PIK3R6: variants seen among roughly 807,000 people sequenced by gnomAD.
The protein encoded by PIK3R6 is phosphoinositide-3-kinase regulatory subunit 6.
Under a neutral mutation model 84.9 loss-of-function variants are expected in PIK3R6, and 91 were observed. The ratio of observed to expected loss-of-function variants is 1.07; its 90% CI spans 0.90 to 1.28. PIK3R6 has a LOEUF of 1.28. Among genes scored for constraint, PIK3R6 ranks in the 50% most tolerant of loss-of-function variants. The pLI is 0.00. For synonymous variants in PIK3R6, 416 were observed against 411.4 expected, an observed-to-expected ratio of 1.01 and a Z score of -0.13; for missense variants, 996 against 985.1, an observed-to-expected ratio of 1.01 and a Z score of -0.15.
intron 2 of PIK3R6, among the ~76,000 whole-genome samples, chr17:8,847,255 G>C (rs1356193411): frequency 1.3e-5 from 2 of 152,002 alleles, no homozygotes; most frequent in Admixed American, 1.3e-4. Context: ...AGGGCCCCCA[G>C]TACCCAGATG....
chr17:8,836,573 C>G lies in PIK3R6; in HGVS notation c.435G>C (p.Thr145=), dbSNP rs199642447. The part of the protein sequence containing the change: ...QRMVIAEQNL[T]NELYPYQERV... ...TCTCCTGGTAGGGATACAGCTCATT[C>G]GTCAAGTTCTGTTCGGCAATGACCA... Residue 145 remains threonine, a synonymous_variant, in exon 7 of 20, where the codon ACG becomes ACC. Coordinates refer to ENST00000619866, the MANE Select transcript of PIK3R6 (RefSeq NM_001010855.4). 1 of 1,613,978 alleles carries G rather than the reference C, an allele frequency of 6.2e-7. No homozygotes were observed. Among genetic ancestry groups the G allele is most frequent in the Middle Eastern group, 1.6e-4 (1 of 6,062 alleles).
In PIK3R6 at chr17:8,819,120, A is replaced by G. The variant is rs773910931; in HGVS notation, c.1958T>C (p.Val653Ala). 5 of 1,608,708 alleles carry G rather than the reference A, an allele frequency of 3.1e-6. No individual in the cohort carries two copies. The South Asian group carries it at 5.6e-5, about 18-fold the overall frequency. The change falls in exon 18 of 20, where the codon GTT becomes GCT. Residue 653 changes from valine (V) to alanine (A), a missense_variant. By Grantham distance (64) the Val-to-Ala change is moderately conservative. Coordinates refer to ENST00000619866, the MANE Select transcript of PIK3R6 (RefSeq NM_001010855.4). ...HTCLNVNVTE[V>A]VKSSNLAGKS... ...TCCCGCCAAGTTGGAGGACTTGACA[A>G]CCTCTGTCACGTTGACATTCAGACA...
chr17:8,866,320 G>A (rs2089410868), intron 1 of PIK3R6, among the ~76,000 whole-genome samples: 2 of 152,052 alleles, frequency 1.3e-5, no homozygotes, highest in Admixed American at 6.5e-5. Flanking sequence ...GGTGGATCAC[G>A]AGGTCAGGAG....
chr17:8,827,752 AGAGAGAGAGAG>A lies in PIK3R6; in HGVS notation c.1392+349_1392+359del, dbSNP rs1418969969. Among the ~76,000 whole-genome samples, 512 of 73,682 alleles carry A rather than the reference AGAGAGAGAGAG, an allele frequency of 6.9e-3. 10 individuals carry two copies. The highest frequency in any genetic ancestry group is 8.7e-3 in the Non-Finnish European group (341 of 39,182). 48.3% of individuals were successfully genotyped at this position (73,682 alleles called of 152,430 possible). A position where few individuals can be genotyped will look rare whatever the true frequency, so the allele number is the denominator to read the frequency against. ...AGAGGGGAGGGAAGGGGAGAGAGAGAGAGAGAGAGAGGAGAGAGAGAGAGAGAGAGAGAGAG... is the reference window on the plus strand; with the variant it reads ...AGAGGGGAGGGAAGGGGAGAGAGAGAGAGAGAGAGAGAGAGAGAGAGAGAG... On this transcript the variant is annotated intron_variant, in intron 12 of 19. Transcript: ENST00000619866.
chr17:8,822,721 C>T (rs2087782568), intron 15 of PIK3R6, 64 bp from the exon 16 acceptor site: 2 of 1,518,026 alleles, frequency 1.3e-6, no homozygotes, highest in Non-Finnish European at 9.1e-7. Context: ...AACTTCCCCA[C>T]CTCTCTGAGG....
Position 8,853,037 on chromosome 17 carries a change from G to GA in PIK3R6, c.-91-3153dup, listed in dbSNP as rs201674686. Among the ~76,000 whole-genome samples the GA allele has an allele frequency of 2.8e-4, 41 of 144,642 alleles. No homozygotes were observed. The East Asian group carries it at 4.2e-3, about 15-fold the overall frequency. 94.9% of individuals were successfully genotyped at this position (144,642 alleles called of 152,430 possible). On this transcript the variant is annotated intron_variant, in intron 1 of 19. Transcript: ENST00000619866. ...CATTGTTAACAATAGAGTACAACCA[G>GA]AAAAAAAAAATAAAGGCACAATTAT... is the stretch of plus-strand genomic sequence containing the variant.
In PIK3R6 at chr17:8,819,073, C is replaced by A; in HGVS notation, c.1995+10G>T. 1.9e-6 allele frequency: 3 copies of A among 1,574,420 alleles called. No individual in the cohort carries two copies. Among genetic ancestry groups the A allele is most frequent in the Non-Finnish European group, 2.6e-6 (3 of 1,154,846 alleles). ...GGCTGTCTCCCTTTCCCAGTCTACT[C>A]AGTACTTACAGAGAAGGACTTTCCC... On this transcript the variant is annotated intron_variant, in intron 18 of 19. Coordinates refer to ENST00000619866, the MANE Select transcript of PIK3R6 (RefSeq NM_001010855.4).
At chr17:8,818,417 G>C (rs113106789) in intron 18 of PIK3R6, among the ~76,000 whole-genome samples, 1 of 152,128 alleles carries the variant, frequency 6.6e-6, no homozygotes, top group African/African-American at 2.4e-5. Context: ...GGGAGGCTGC[G>C]GCAGGTGCAT....
intron 17 of PIK3R6, among the ~76,000 whole-genome samples, chr17:8,820,153 AATAGAGT>A (rs2087688233): frequency 6.7e-6 from 1 of 149,146 alleles, no homozygotes; most frequent in Admixed American, 6.7e-5. Context: ...AGGGTTGCTT[AATAGAGT>A]ATAATGTGTC....
chr17:8,843,739 A>G (rs2088748896), intron 2 of PIK3R6, among the ~76,000 whole-genome samples: 1 of 152,066 alleles, frequency 6.6e-6, no homozygotes, highest in Non-Finnish European at 1.5e-5. Context: ...CAATCTGCTG[A>G]CACCGAACCT....
At position 8,833,689 on chromosome 17, in the gene PIK3R6, G is replaced by A. The variant is rs149614535; in HGVS notation, c.646-644C>T. Among the ~76,000 whole-genome samples, 285 of 151,732 alleles carry A rather than the reference G, an allele frequency of 1.9e-3. 1 individual carries two copies. Among genetic ancestry groups the A allele is most frequent in the African/African-American group, 6.2e-3 (256 of 41,436 alleles). On this transcript the variant is annotated intron_variant, in intron 8 of 19. Transcript: ENST00000619866. ...CCCGAGTATCTGGGACTACAGGTGC[G>A]CACCACCACATCCAGCCAATTTTTG...
chr17:8,835,463 G>A lies in PIK3R6; in HGVS notation c.462-7C>T, dbSNP rs2088424692. On this transcript the variant is annotated splice_polypyrimidine_tract_variant and splice_region_variant and intron_variant, in intron 7 of 19. Coordinates refer to ENST00000619866, the MANE Select transcript of PIK3R6 (RefSeq NM_001010855.4). Reference sequence around the variant, plus strand: ...ATCCACGAAGAGGAACACTCTGAGGGCAGAAGCAGAGGGGAGAGGTGGGAT... The same window carrying A: ...ATCCACGAAGAGGAACACTCTGAGGACAGAAGCAGAGGGGAGAGGTGGGAT... The A allele has an allele frequency of 1.3e-6, 2 of 1,545,920 alleles. No homozygotes were observed. Among genetic ancestry groups the A allele is most frequent in the Non-Finnish European group, 1.8e-6 (2 of 1,134,412 alleles).
In PIK3R6 at chr17:8,803,755, A is replaced by G. The variant is rs545351216; in HGVS notation, c.2108+286T>C. ...CTGTGTGGGAGGGGCCCGTGCCTGC[A>G]GAGGGGACTGGATCAGGAGGCTGCA... On this transcript the variant is annotated intron_variant, in intron 19 of 19. Coordinates refer to ENST00000619866, the MANE Select transcript of PIK3R6 (RefSeq NM_001010855.4). This position sits in a 1 kb window ranked among gnomAD's most constrained non-coding sequence, Gnocchi z 5.0. The G allele has an allele frequency of 5.8e-4, 328 of 563,152 alleles. 3 individuals are homozygous for G. The South Asian group carries it at 6.9e-3, about 12-fold the overall frequency. The allele number at this position is 563,152 out of a possible 1,614,324, so 34.9% of individuals were successfully genotyped here.
rs994205189 is a variant in PIK3R6, at chr17:8,862,565, G to A, written c.-92+4964C>T. On this transcript the variant is annotated intron_variant, in intron 1 of 19. Transcript: ENST00000619866. This position sits in a 1 kb window ranked among gnomAD's most constrained non-coding sequence, Gnocchi z 4.3. Reference sequence around the variant, plus strand: ...CCTGGCAGCTACCTCTGTCACCTGGGGGTGGCTGATCTTTCTCGGGCCGTA... The same window carrying A: ...CCTGGCAGCTACCTCTGTCACCTGGAGGTGGCTGATCTTTCTCGGGCCGTA... Among the ~76,000 whole-genome samples, 3 of 152,120 alleles carry A rather than the reference G, an allele frequency of 2.0e-5. No homozygotes were observed. Among genetic ancestry groups the A allele is most frequent in the Non-Finnish European group, 4.4e-5 (3 of 68,024 alleles).
intron 16 of PIK3R6, 62 bp from the exon 17 acceptor site, chr17:8,821,998 C>G (rs897534816): frequency 7.6e-7 from 1 of 1,323,708 alleles, no homozygotes; most frequent in African/African-American, 1.5e-5. Context: ...CCCATGCATC[C>G]CCACATCCAC....
chr17:8,828,071 C>T lies in PIK3R6; in HGVS notation c.1392+41G>A, dbSNP rs1321111045. ...GCAGGTGTGTCCCTGCCCAGCCTGC[C>T]CTGTCTCTGCCCCGCCACCGCCTCC... On this transcript the variant is annotated intron_variant, in intron 12 of 19. Coordinates refer to ENST00000619866, the MANE Select transcript of PIK3R6 (RefSeq NM_001010855.4). The T allele has an allele frequency of 1.9e-6, 3 of 1,595,418 alleles. No homozygotes were observed. The South Asian group carries it at 3.3e-5, about 18-fold the overall frequency.
chr17:8,827,763 G>GGAGAGAGAGAGAGA (rs199969342), intron 12 of PIK3R6, among the ~76,000 whole-genome samples: 12 of 34,834 alleles, frequency 3.4e-4, no homozygotes, highest in Non-Finnish European at 5.2e-4. Context: ...GAGAGAGAGA[G>GGAGAGAGAGAGAGA]GAGAGAGAGA....
rs990855455 is a variant in PIK3R6, at chr17:8,839,930, A to G, written c.14-233T>C. ...TTTCCCAAAGTGCAGTATGTGTACC[A>G]CTGGTGGTATGTAGGACAATTTTAG... On this transcript the variant is annotated intron_variant, in intron 2 of 19. Coordinates refer to ENST00000619866, the MANE Select transcript of PIK3R6 (RefSeq NM_001010855.4). This position sits in a 1 kb window ranked among gnomAD's most constrained non-coding sequence, Gnocchi z 4.2. Among the ~76,000 whole-genome samples the G allele has an allele frequency of 6.6e-6, 1 of 152,152 alleles. No individual in the cohort carries two copies. Among genetic ancestry groups the G allele is most frequent in the Non-Finnish European group, 1.5e-5 (1 of 68,024 alleles).
chr17:8,853,248 G>T (rs1353627590), intron 1 of PIK3R6, among the ~76,000 whole-genome samples: 2 of 151,862 alleles, frequency 1.3e-5, no homozygotes, highest in Non-Finnish European at 2.9e-5. Context: ...CACTTTGGGA[G>T]GCCGAGGGGG....
Sources: gnomAD v4.1 joint callset for allele counts (sites outside exome capture counted in the v4.1 genomes callset) on GRCh38, gnomAD v4.1.1 for gene constraint, Gnocchi (gnomAD v3.1) non-coding constraint, MANE v1.5 for transcripts, NCBI Gene and HGNC (gene_info 2026-07-23, HGNC 2026-07-21) for gene names.